The following RAD51B variants were observed in gnomAD, a reference collection of about 807,000 sequenced individuals.
The protein encoded by RAD51B is DNA repair protein RAD51 homolog 2.
Under a neutral mutation model 42.2 loss-of-function variants are expected in RAD51B, and 38 were observed. The ratio of observed to expected loss-of-function variants is 0.90; its 90% CI spans 0.70 to 1.18. RAD51B has a LOEUF of 1.18. Among genes scored for constraint, RAD51B ranks in the 50% most tolerant of loss-of-function variants. The pLI, the probability that RAD51B is intolerant of heterozygous loss-of-function variation, is 0.00. For synonymous variants in RAD51B, 154 were observed against 145.2 expected (o/e 1.06, Z -0.43); for missense variants, 373 against 400.7 (o/e 0.93, Z 0.59).
At chr14:68,084,640 T>C (rs1045952245) in intron 7 of RAD51B, among the ~76,000 whole-genome samples, 1 of 152,188 alleles carries the variant, frequency 6.6e-6, no homozygotes, top group African/African-American at 2.4e-5. Context: ...AAGGCATAAA[T>C]GTTGGGGTAA....
intron 7 of RAD51B, among the ~76,000 whole-genome samples, chr14:68,112,312 GTCC>G (rs1305442022): frequency 6.6e-6 from 1 of 151,918 alleles, no homozygotes; most frequent in Admixed American, 6.6e-5. Context: ...AATCTCAACT[GTCC>G]TCCTTTGAGA....
chr14:67,929,176 G>T (rs1054924870), intron 7 of RAD51B, among the ~76,000 whole-genome samples: 5 of 151,850 alleles, frequency 3.3e-5, no homozygotes, highest in Admixed American at 3.3e-4. Flanking sequence ...TGAGGTGCAT[G>T]GTTAGATTGT....
At chr14:68,080,607 T>C (rs1274448792) in intron 7 of RAD51B, among the ~76,000 whole-genome samples, 2 of 152,242 alleles carry the variant, frequency 1.3e-5, no homozygotes, top group Non-Finnish European at 2.9e-5. Context: ...TCTGCTCAGA[T>C]GCCTTCTTTT....
intron 7 of RAD51B, among the ~76,000 whole-genome samples, chr14:68,284,585 T>C (rs2139637870): frequency 6.6e-6 from 1 of 152,292 alleles, no homozygotes; most frequent in Middle Eastern, 3.4e-3. Context: ...TCTCCACAAA[T>C]ATTTCACAAG....
chr14:68,633,107 A>C (rs913707578), intron 10 of RAD51B, among the ~76,000 whole-genome samples: 5 of 148,830 alleles, frequency 3.4e-5, no homozygotes, highest in Non-Finnish European at 7.4e-5. Context: ...GATTATAGGC[A>C]TGAGCCACCA....
intron 9 of RAD51B, among the ~76,000 whole-genome samples, chr14:68,454,112 C>A (rs2140193852): frequency 6.6e-6 from 1 of 152,252 alleles, no homozygotes; most frequent in East Asian, 1.9e-4. Context: ...AAAGTGAAAT[C>A]ATTTGCTGTT....
At chr14:68,306,479 C>T (rs1199242652) in intron 8 of RAD51B, among the ~76,000 whole-genome samples, 2 of 152,150 alleles carry the variant, frequency 1.3e-5, no homozygotes, top group Admixed American at 6.5e-5. Context: ...CTGAGACAAG[C>T]ATGATTAATT....
intron 7 of RAD51B, among the ~76,000 whole-genome samples, chr14:68,151,511 C>A (rs2078378328): frequency 6.6e-6 from 1 of 151,826 alleles, no homozygotes; most frequent in Non-Finnish European, 1.5e-5. Context: ...CTCTCTCTAC[C>A]TTCTCATCTT....
intron 8 of RAD51B, among the ~76,000 whole-genome samples, chr14:68,335,149 T>C (rs2082425340): frequency 1.3e-5 from 2 of 150,122 alleles, no homozygotes; most frequent in African/African-American, 4.9e-5. Flanking sequence ...ATACAAAAAT[T>C]AGCTGGGCAT....
intron 7 of RAD51B, among the ~76,000 whole-genome samples, chr14:68,073,001 T>C (rs1258930007): frequency 1.3e-5 from 2 of 152,212 alleles, no homozygotes; most frequent in Admixed American, 6.5e-5. Context: ...GAAGGATGTA[T>C]ATGCTGTTTT....
At chr14:67,955,273 A>G (rs1461962349) in intron 7 of RAD51B, among the ~76,000 whole-genome samples, 1 of 152,224 alleles carries the variant, frequency 6.6e-6, no homozygotes, top group African/African-American at 2.4e-5. Flanking sequence ...ATTCATGCTG[A>G]TGTACATATC....
At chr14:67,897,394 T>C (rs1274329482) in intron 7 of RAD51B, among the ~76,000 whole-genome samples, 1 of 152,054 alleles carries the variant, frequency 6.6e-6, no homozygotes, top group Non-Finnish European at 1.5e-5. Context: ...CAAAACTCAA[T>C]AGTAAAACAA....
At chr14:68,048,018 T>C (rs1361312669) in intron 7 of RAD51B, among the ~76,000 whole-genome samples, 1 of 152,186 alleles carries the variant, frequency 6.6e-6, no homozygotes, top group Non-Finnish European at 1.5e-5. Context: ...GAAAACGATA[T>C]GGAAATATTT....
intron 7 of RAD51B, among the ~76,000 whole-genome samples, chr14:67,920,701 A>C (rs867181219): frequency 6.6e-6 from 1 of 152,184 alleles, no homozygotes; most frequent in Non-Finnish European, 1.5e-5. Flanking sequence ...CATTGATGGC[A>C]TATGTGCTGT....
chr14:68,214,200 G>A (rs1361608340), intron 7 of RAD51B, among the ~76,000 whole-genome samples: 1 of 152,214 alleles, frequency 6.6e-6, no homozygotes, highest in Non-Finnish European at 1.5e-5. Context: ...CTTCTCGACT[G>A]TGAATGAGAG....
chr14:68,184,895 G>C (rs1240245192), intron 7 of RAD51B, among the ~76,000 whole-genome samples: 1 of 152,212 alleles, frequency 6.6e-6, no homozygotes, highest in Non-Finnish European at 1.5e-5. Flanking sequence ...AAGTGTTCAT[G>C]AGTTTTAGTC....
At chr14:68,621,688 C>T (rs12882449) in intron 10 of RAD51B, among the ~76,000 whole-genome samples, 35,237 of 152,082 alleles carry the variant, frequency 0.23, 4,350 homozygotes, top group South Asian at 0.35. Flanking sequence ...CTTTCTCCTA[C>T]GGGAGAAAAA....
At chr14:68,025,994 T>C (rs1345891674) in intron 7 of RAD51B, among the ~76,000 whole-genome samples, 1 of 152,178 alleles carries the variant, frequency 6.6e-6, no homozygotes, top group Non-Finnish European at 1.5e-5. Context: ...TTTCGTGTTA[T>C]AAGCTTTCCT....
chr14:67,995,656 C>T (rs896740876), intron 7 of RAD51B, among the ~76,000 whole-genome samples: 2 of 151,192 alleles, frequency 1.3e-5, no homozygotes, highest in Non-Finnish European at 2.9e-5. Flanking sequence ...CTCTGTCACC[C>T]AGGCTGGATG....
Sources: allele counts gnomAD v4.1 joint callset (sites outside exome capture counted in the v4.1 genomes callset), GRCh38; gene constraint gnomAD v4.1.1; transcripts MANE v1.5; gene names NCBI Gene and HGNC (gene_info 2026-07-23, HGNC 2026-07-21).